GRM7: variants seen among roughly 807,000 people sequenced by gnomAD.
GRM7 encodes the protein glutamate metabotropic receptor 7.
GRM7 carries 35 observed loss-of-function variants against 84.5 expected under a neutral mutation model. The observed-to-expected ratio is 0.41, with a 90% CI of 0.32 to 0.55. The LOEUF (loss-of-function observed/expected upper bound fraction) is 0.55. Among genes scored for constraint, GRM7 ranks in the 20% least tolerant of loss-of-function variants. The pLI is 0.19. For synonymous variants in GRM7, 487 were observed against 455.1 expected, an observed-to-expected ratio of 1.07 and a Z score of -0.89; for missense variants, 1,003 against 1,194.6, an observed-to-expected ratio of 0.84 and a Z score of 2.36.
intron 4 of GRM7, among the ~76,000 whole-genome samples, chr3:7,395,454 A>G (rs928750007): frequency 2.6e-5 from 4 of 152,126 alleles, no homozygotes; most frequent in Non-Finnish European, 5.9e-5. Flanking sequence ...TTTCTACTAG[A>G]GAGGAGGAAT....
intron 1 of GRM7, among the ~76,000 whole-genome samples, chr3:6,983,226 C>T (rs1390151086): frequency 6.6e-6 from 1 of 152,096 alleles, no homozygotes; most frequent in Non-Finnish European, 1.5e-5. Flanking sequence ...TCTGACTATC[C>T]AAGATTGTTT....
chr3:7,692,735 T>TAGAC (rs1366810013), intron 9 of GRM7, among the ~76,000 whole-genome samples: 1 of 152,076 alleles, frequency 6.6e-6, no homozygotes, highest in African/African-American at 2.4e-5. Context: ...AGTGGCAGAG[T>TAGAC]AGACACCTGT....
At chr3:7,409,067 A>G (rs577983997) in intron 4 of GRM7, among the ~76,000 whole-genome samples, 2 of 152,270 alleles carry the variant, frequency 1.3e-5, no homozygotes, top group South Asian at 4.1e-4. Context: ...CCAATGATAA[A>G]TTGATCTGTT....
intron 4 of GRM7, among the ~76,000 whole-genome samples, chr3:7,328,285 C>A (rs539936892): frequency 2.0e-5 from 3 of 152,148 alleles, no homozygotes; most frequent in Non-Finnish European, 4.4e-5. Context: ...ACTGTGGATA[C>A]CCTGATAATG....
chr3:6,878,984 G>T (rs182341704), intron 1 of GRM7, among the ~76,000 whole-genome samples: 1 of 152,166 alleles, frequency 6.6e-6, no homozygotes, highest in African/African-American at 2.4e-5. Flanking sequence ...TATAGGATGT[G>T]TGTTTCATGA....
At chr3:7,371,489 C>A (rs1418654350) in intron 4 of GRM7, among the ~76,000 whole-genome samples, 3 of 152,096 alleles carry the variant, frequency 2.0e-5, no homozygotes, top group African/African-American at 4.8e-5. Context: ...AAAAAGGCAA[C>A]AAAATGGAGG....
At chr3:7,131,021 AT>A (rs1210647660) in intron 1 of GRM7, among the ~76,000 whole-genome samples, 1 of 152,308 alleles carries the variant, frequency 6.6e-6, no homozygotes, top group East Asian at 1.9e-4. Flanking sequence ...CTTCACTAGC[AT>A]TGTGAATTTA....
At chr3:7,656,566 C>CAT (rs1479792360) in intron 8 of GRM7, among the ~76,000 whole-genome samples, 2 of 150,602 alleles carry the variant, frequency 1.3e-5, no homozygotes, top group Non-Finnish European at 3.0e-5. Flanking sequence ...CACACACACA[C>CAT]ACACACACAC....
intron 4 of GRM7, among the ~76,000 whole-genome samples, chr3:7,351,130 T>G (rs1028697275): frequency 6.6e-6 from 1 of 152,052 alleles, no homozygotes; most frequent in South Asian, 2.1e-4. Context: ...TCTTCTCTCA[T>G]AGAAAGAAGT....
intron 1 of GRM7, among the ~76,000 whole-genome samples, chr3:6,989,413 A>G (rs371395257): frequency 1.2e-4 from 18 of 152,312 alleles, no homozygotes; most frequent in African/African-American, 3.6e-4. Flanking sequence ...TTAAGATGAC[A>G]TAGTTAGGGG....
chr3:7,367,980 C>CAACAACAAA (rs55994832), intron 4 of GRM7, among the ~76,000 whole-genome samples: 1 of 146,168 alleles, frequency 6.8e-6, no homozygotes, highest in African/African-American at 2.5e-5. Flanking sequence ...ACAACAACTA[C>CAACAACAAA]ACAGACAATG....
At chr3:7,697,323 T>A (rs1194109983) in intron 9 of GRM7, among the ~76,000 whole-genome samples, 1 of 152,146 alleles carries the variant, frequency 6.6e-6, no homozygotes, top group Non-Finnish European at 1.5e-5. Flanking sequence ...TCAGCATCTT[T>A]TTTTTATCTT....
intron 1 of GRM7, among the ~76,000 whole-genome samples, chr3:7,103,762 C>CTT (rs761486526): frequency 4.6e-5 from 3 of 65,472 alleles, no homozygotes; most frequent in East Asian, 3.6e-4. Context: ...TTCTTTCTTT[C>CTT]TTTCTTTCTT....
intron 6 of GRM7, among the ~76,000 whole-genome samples, chr3:7,454,563 T>G (rs1697924670): frequency 6.6e-6 from 1 of 152,100 alleles, no homozygotes; most frequent in Admixed American, 6.6e-5. Flanking sequence ...GAAGACAAAA[T>G]AACTGTACAC....
At chr3:7,437,027 A>C (rs1048704448) in intron 5 of GRM7, among the ~76,000 whole-genome samples, 1 of 152,068 alleles carries the variant, frequency 6.6e-6, no homozygotes, top group Non-Finnish European at 1.5e-5. Context: ...TCCAATGTAT[A>C]CTCCTTACAA....
chr3:6,893,615 A>G (rs2124989283), intron 1 of GRM7, among the ~76,000 whole-genome samples: 1 of 152,282 alleles, frequency 6.6e-6, no homozygotes, highest in East Asian at 1.9e-4. Flanking sequence ...AGACACAAAA[A>G]TACACCTCTC....
intron 2 of GRM7, among the ~76,000 whole-genome samples, chr3:7,239,022 C>T (rs1309277484): frequency 3.0e-5 from 3 of 99,248 alleles, no homozygotes; most frequent in Non-Finnish European, 5.8e-5. Context: ...GACATGGTCT[C>T]ATTCTGTAAT....
intron 1 of GRM7, among the ~76,000 whole-genome samples, chr3:7,088,698 T>TTTTTTTTTTTTTTTTTTTGAGA (rs1553615404): frequency 7.1e-6 from 1 of 140,354 alleles, no homozygotes; most frequent in East Asian, 2.0e-4. Flanking sequence ...GATTTCTTAT[T>TTTTTTTTTTTTTTTTTTTGAGA]CATCGAAGCA....
intron 4 of GRM7, among the ~76,000 whole-genome samples, chr3:7,401,822 A>G (rs564198369): frequency 6.6e-6 from 1 of 152,270 alleles, no homozygotes; most frequent in Non-Finnish European, 1.5e-5. Flanking sequence ...AACAGGATCC[A>G]TATCTGACTT....
Sources: allele counts gnomAD v4.1 joint callset (sites outside exome capture counted in the v4.1 genomes callset), GRCh38; gene constraint gnomAD v4.1.1; transcripts MANE v1.5; gene names NCBI Gene and HGNC (gene_info 2026-07-23, HGNC 2026-07-21).